Variants in STXBP5 observed in about 807,000 individuals in gnomAD.
The protein encoded by STXBP5 is syntaxin binding protein 5.
In STXBP5, 50 loss-of-function variants were observed where a neutral mutation model predicts 152.4. The ratio of observed to expected loss-of-function variants is 0.33; its 90% CI spans 0.26 to 0.42. STXBP5 has a LOEUF of 0.42. STXBP5 is among the 10% of genes least tolerant of loss of function. The pLI is 1.00. For synonymous variants in STXBP5, 492 were observed against 494.7 expected, an observed-to-expected ratio of 0.99 and a Z score of 0.07; for missense variants, 1,167 against 1,388.6, an observed-to-expected ratio of 0.84 and a Z score of 2.54.
intron 2 of STXBP5, among the ~76,000 whole-genome samples, chr6:147,221,136 G>C (rs1186187586): frequency 6.6e-6 from 1 of 151,932 alleles, no homozygotes; most frequent in Non-Finnish European, 1.5e-5. Flanking sequence ...AAAGAACACT[G>C]TACTGCTTCA....
intron 18 of STXBP5, among the ~76,000 whole-genome samples, chr6:147,331,822 A>C (rs1039271117): frequency 4.0e-5 from 6 of 151,550 alleles, no homozygotes; most frequent in Non-Finnish European, 8.8e-5. Flanking sequence ...AAAAAAAAAA[A>C]AAAAACACAC....
chr6:147,362,201 A>G (rs966492208), intron 23 of STXBP5, among the ~76,000 whole-genome samples: 2 of 152,124 alleles, frequency 1.3e-5, no homozygotes, highest in African/African-American at 4.8e-5. Context: ...AAATGCAGAG[A>G]GGAAAGGAAA....
intron 21 of STXBP5, among the ~76,000 whole-genome samples, chr6:147,346,214 G>A (rs547398075): frequency 5.9e-5 from 9 of 152,234 alleles, no homozygotes; most frequent in Admixed American, 6.5e-5. Flanking sequence ...AATGAGTTTC[G>A]TAAGTGATTC....
rs1360679117 is a variant in STXBP5 at position 147,314,023 on chromosome 6, A to C, written c.1285A>C (p.Ser429Arg). The C allele has an allele frequency of 2.5e-6, 4 of 1,583,514 alleles. No homozygotes were observed. Among genetic ancestry groups the C allele is most frequent in the African/African-American group, 2.7e-5 (2 of 74,166 alleles). The stretch of plus-strand genomic sequence containing the variant: ...AGCTAGACAGAAACGTCAAGGTTAC[A>C]GCAAAAAGGTATTGAACATGAGCTT... ...VGARQKRQGY[S>R]KKEWPINGGN... Residue 429 changes from serine to arginine, a missense_variant, in exon 12 of 28, where the codon AGC (serine) becomes CGC (arginine). Transcript: ENST00000321680.
chr6:147,206,705 G>T (rs1776583188), intron 2 of STXBP5, among the ~76,000 whole-genome samples: 1 of 151,968 alleles, frequency 6.6e-6, no homozygotes, highest in Non-Finnish European at 1.5e-5. Flanking sequence ...AAACTGTTAG[G>T]TTACTATACA....
intron 4 of STXBP5, among the ~76,000 whole-genome samples, chr6:147,245,468 A>G (rs1473450233): frequency 6.6e-6 from 1 of 152,148 alleles, no homozygotes; most frequent in African/African-American, 2.4e-5. Flanking sequence ...CACAGGGACA[A>G]ATTTGCCGAT....
In STXBP5 at chr6:147,311,489, A is replaced by G; in HGVS notation, c.1107A>G (p.Leu369=). The change falls in exon 11 of 28, where the codon CTA becomes CTG. Residue 369 remains leucine, a synonymous_variant. Transcript: ENST00000321680. ...AACCATATGCTGTGGTTGTTCTTCTAGAAAAGGATTTAGTACTTATAGACC... is the reference window on the plus strand; with the variant it reads ...AACCATATGCTGTGGTTGTTCTTCTGGAAAAGGATTTAGTACTTATAGACC... The part of the protein sequence containing the change: ...FQEPYAVVVL[L]EKDLVLIDLA... 6.2e-7 allele frequency: 1 copy of G among 1,612,264 alleles called. No individual in the cohort carries two copies. The highest frequency in any genetic ancestry group is 1.7e-4 in the Middle Eastern group (1 of 6,050).
At chr6:147,289,153 G>A (rs762526884) in intron 8 of STXBP5, among the ~76,000 whole-genome samples, 23 of 152,156 alleles carry the variant, frequency 1.5e-4, no homozygotes, top group East Asian at 3.9e-4. Context: ...TCTCCCTGGC[G>A]CCGGCTGCCA....
At chr6:147,323,044 T>A (rs1783016835) in intron 16 of STXBP5, among the ~76,000 whole-genome samples, 1 of 152,036 alleles carries the variant, frequency 6.6e-6, no homozygotes, top group Non-Finnish European at 1.5e-5. Context: ...TAAAACTACC[T>A]CTTTATCCCT....
chr6:147,275,646 C>T (rs1304503690), intron 7 of STXBP5, among the ~76,000 whole-genome samples: 5 of 149,908 alleles, frequency 3.3e-5, no homozygotes, highest in Non-Finnish European at 7.4e-5. Context: ...CAAGCTCCAC[C>T]TCCCGGGTTC....
At position 147,359,084 on chromosome 6, in the gene STXBP5, A is replaced by T. The variant is rs1490105534; in HGVS notation, c.2306A>T (p.Asp769Val). ...CTCACAACATTTTTAACCATTTCAG[A>T]TGTAAAGGATAACTCCTTTAGCCGA... ...SLPTDLKPDL[D>V]VKDNSFSRSR... Residue 769 changes from aspartate (D) to valine (V), a missense_variant and splice_region_variant, in exon 23 of 28, where the codon GAT becomes GTT. Coordinates refer to ENST00000321680, the MANE Select transcript of STXBP5 (RefSeq NM_001127715.4). The T allele has an allele frequency of 9.3e-6, 15 of 1,613,330 alleles. No homozygotes were observed. The highest frequency in any genetic ancestry group is 1.2e-5 in the Non-Finnish European group (14 of 1,179,504).
chr6:147,211,483 A>G (rs1776851743), intron 2 of STXBP5, among the ~76,000 whole-genome samples: 1 of 152,142 alleles, frequency 6.6e-6, no homozygotes, highest in African/African-American at 2.4e-5. Context: ...CTTGCTACTT[A>G]ATTTTATTAT....
chr6:147,363,797 G>T (rs1785173624), intron 24 of STXBP5, 93 bp downstream of exon 24: 1 of 1,490,142 alleles, frequency 6.7e-7, no homozygotes, highest in African/African-American at 1.4e-5. Context: ...TTTTGTGTGT[G>T]TATAGTCTTA....
intron 8 of STXBP5, 52 bp downstream of exon 8, chr6:147,278,256 G>C (rs1372106641): frequency 6.9e-7 from 1 of 1,457,530 alleles, no homozygotes; most frequent in Non-Finnish European, 9.2e-7. Flanking sequence ...ACAGTAAACT[G>C]TTTTGTTTGA....
At chr6:147,208,948 A>T (rs576376235) in intron 2 of STXBP5, among the ~76,000 whole-genome samples, 3 of 152,252 alleles carry the variant, frequency 2.0e-5, no homozygotes, top group African/African-American at 7.2e-5. Flanking sequence ...ATGACATATG[A>T]TATAAATATG....
At chr6:147,327,309 T>A (rs2128386804) in intron 18 of STXBP5, 33 bp downstream of exon 18, 1 of 1,588,376 alleles carries the variant, frequency 6.3e-7, no homozygotes, top group African/African-American at 1.4e-5. Flanking sequence ...TTCTGAGCTT[T>A]AGGATTTCTA....
chr6:147,229,853 T>C (rs1451714436), intron 2 of STXBP5, among the ~76,000 whole-genome samples: 1 of 151,980 alleles, frequency 6.6e-6, no homozygotes, highest in East Asian at 1.9e-4. Flanking sequence ...ACTTTTTTTT[T>C]CTTGCACATT....
intron 13 of STXBP5, 125 bp from the exon 14 acceptor site, chr6:147,314,471 C>T: frequency 3.1e-6 from 4 of 1,304,740 alleles, no homozygotes; most frequent in Non-Finnish European, 4.3e-6. Context: ...TCTTAAGAAC[C>T]TGCCAGTTTA....
intron 2 of STXBP5, among the ~76,000 whole-genome samples, chr6:147,227,354 C>A (rs1221534451): frequency 6.6e-6 from 1 of 152,042 alleles, no homozygotes; most frequent in Non-Finnish European, 1.5e-5. Context: ...AAAGAACATG[C>A]CCTACCTTGC....
Sources: gnomAD v4.1 joint callset for allele counts (sites outside exome capture counted in the v4.1 genomes callset) on GRCh38, gnomAD v4.1.1 for gene constraint, MANE v1.5 for transcripts, NCBI Gene and HGNC (gene_info 2026-07-23, HGNC 2026-07-21) for gene names.